Variants in GOLGA4 observed in about 807,000 individuals in gnomAD.
GOLGA4 encodes the protein golgin subfamily A member 4.
GOLGA4 carries 169 observed loss-of-function variants against 265.9 expected under a neutral mutation model. The observed-to-expected ratio is 0.64, with a 90% CI of 0.56 to 0.72. GOLGA4 has a LOEUF of 0.72. Ranked by LOEUF, GOLGA4 falls within the 30% of genes least tolerant of loss-of-function variation. The probability of loss-of-function intolerance (pLI) is 0.00; values close to 1 mark genes in which losing one functional copy is unlikely to be tolerated. For missense variants in GOLGA4, 2,482 were observed against 2,483.4 expected, an observed-to-expected ratio of 1.00 and a Z score of 0.01; for synonymous variants, 923 against 855.8, an observed-to-expected ratio of 1.08 and a Z score of -1.37.
intron 17 of GOLGA4, 96 bp from the exon 18 acceptor site, chr3:37,337,047 G>T: frequency 1.2e-6 from 1 of 800,276 alleles, no homozygotes; most frequent in South Asian, 1.6e-5. Flanking sequence ...TCTTAACCCT[G>T]ACTTCCTTTT....
At chr3:37,302,163 T>C in intron 9 of GOLGA4, 22 bp from the exon 10 acceptor site, 1 of 1,606,668 alleles carries the variant, frequency 6.2e-7, no homozygotes, top group Non-Finnish European at 8.5e-7. Context: ...GCAAATGTTT[T>C]AGAGTCTTCA....
chr3:37,300,126 G>T (rs1175605411), intron 9 of GOLGA4, among the ~76,000 whole-genome samples: 2 of 152,148 alleles, frequency 1.3e-5, no homozygotes, highest in Non-Finnish European at 2.9e-5. Flanking sequence ...ATGAATTTTA[G>T]AATGTGTAGA....
chr3:37,340,650 C>T (rs992313276), intron 20 of GOLGA4, among the ~76,000 whole-genome samples: 8 of 152,238 alleles, frequency 5.3e-5, no homozygotes, highest in African/African-American at 1.9e-4. Context: ...CCAGTTTACC[C>T]GGCTTGAGTT....
intron 10 of GOLGA4, 87 bp downstream of exon 10, chr3:37,302,419 AT>A: frequency 1.7e-6 from 2 of 1,144,930 alleles, no homozygotes; most frequent in Non-Finnish European, 2.5e-6. Flanking sequence ...TGAGTTAAAT[AT>A]TGATAAAAAT....
At chr3:37,276,613 C>T (rs2096819894) in intron 2 of GOLGA4, 5 of 1,557,692 alleles carry the variant, frequency 3.2e-6, no homozygotes, top group Non-Finnish European at 4.4e-6. Flanking sequence ...GAAGAATTGG[C>T]AAAATATCTG....
chr3:37,365,959 C>G lies in GOLGA4; in HGVS notation c.*34-121C>G, dbSNP rs117824054. 739 of 820,524 alleles carry G rather than the reference C, an allele frequency of 9.0e-4. 10 individuals are homozygous for G. The East Asian group carries it at 0.018, about 20-fold the overall frequency. The allele number at this position is 820,524 out of a possible 1,614,324, so 50.8% of individuals were successfully genotyped here. On this transcript the variant is annotated intron_variant, in intron 23 of 23. Transcript: ENST00000361924. ...TATTTCTGCCTCTTTACTGCAGTCT[C>G]TAGACCATGGAATAGAATTTTATTT...
At chr3:37,331,052 C>A (rs964034149) in intron 16 of GOLGA4, among the ~76,000 whole-genome samples, 10 of 145,302 alleles carry the variant, frequency 6.9e-5, no homozygotes, top group Non-Finnish European at 1.1e-4. Flanking sequence ...AAAAAAAATG[C>A]AAGCCACAAA....
chr3:37,331,790 G>A (rs1223032610), intron 16 of GOLGA4, among the ~76,000 whole-genome samples: 1 of 152,022 alleles, frequency 6.6e-6, no homozygotes, highest in African/African-American at 2.4e-5. Flanking sequence ...GGAAACTTTT[G>A]ACATCTTTAA....
intron 2 of GOLGA4, among the ~76,000 whole-genome samples, chr3:37,254,549 G>A (rs552503338): frequency 5.4e-5 from 8 of 149,080 alleles, no homozygotes; most frequent in South Asian, 2.1e-4. Flanking sequence ...TTTTAAAGTC[G>A]CCAGGCTGGA....
At chr3:37,278,802 C>G (rs1411513832) in intron 2 of GOLGA4, among the ~76,000 whole-genome samples, 2 of 150,518 alleles carry the variant, frequency 1.3e-5, no homozygotes, top group Non-Finnish European at 3.0e-5. Context: ...TGCCTTCACT[C>G]AGTTTGTTTA....
chr3:37,314,477 C>T (rs1291740586), intron 10 of GOLGA4, among the ~76,000 whole-genome samples: 5 of 151,882 alleles, frequency 3.3e-5, no homozygotes, highest in Non-Finnish European at 5.9e-5. Flanking sequence ...CCAATCTCTA[C>T]TAAAAATACA....
At chr3:37,357,459 A>C (rs1404920265) in intron 22 of GOLGA4, among the ~76,000 whole-genome samples, 1 of 152,198 alleles carries the variant, frequency 6.6e-6, no homozygotes, top group Non-Finnish European at 1.5e-5. Flanking sequence ...AGATATGCTT[A>C]AGTAATATGA....
chr3:37,318,302 C>T (rs935917197), intron 11 of GOLGA4, among the ~76,000 whole-genome samples: 5 of 152,170 alleles, frequency 3.3e-5, no homozygotes, highest in Non-Finnish European at 5.9e-5. Flanking sequence ...CTGCCTTGGC[C>T]TCCCAAAGTG....
At chr3:37,318,175 T>C (rs1222018014) in intron 11 of GOLGA4, among the ~76,000 whole-genome samples, 1 of 152,116 alleles carries the variant, frequency 6.6e-6, no homozygotes, top group Non-Finnish European at 1.5e-5. Context: ...CTCCAAATCA[T>C]TTATTTAGTA....
chr3:37,281,330 C>G (rs148022154), intron 2 of GOLGA4, among the ~76,000 whole-genome samples: 18 of 152,248 alleles, frequency 1.2e-4, no homozygotes, highest in Non-Finnish European at 2.4e-4. Context: ...TCCTAGTAGA[C>G]AAATGGTAAG....
At chr3:37,309,973 T>C (rs944530041) in intron 10 of GOLGA4, among the ~76,000 whole-genome samples, 5 of 152,244 alleles carry the variant, frequency 3.3e-5, no homozygotes, top group Non-Finnish European at 5.9e-5. Context: ...TAAAATTCTT[T>C]TTGTTGCTTT....
At chr3:37,296,261 G>A (rs1330971523) in intron 7 of GOLGA4, 42 bp downstream of exon 7, 5 of 1,602,560 alleles carry the variant, frequency 3.1e-6, no homozygotes, top group East Asian at 4.5e-5. Context: ...AAAACTAGAG[G>A]AGAGCCAGGC....
At chr3:37,322,783 GATA>G (rs2096958656) in intron 13 of GOLGA4, among the ~76,000 whole-genome samples, 1 of 151,414 alleles carries the variant, frequency 6.6e-6, no homozygotes, top group Admixed American at 6.6e-5. Flanking sequence ...ATTTTCATGA[GATA>G]ATAATAATCT....
At chr3:37,355,891 C>T (rs2097089650) in intron 22 of GOLGA4, among the ~76,000 whole-genome samples, 9 of 151,958 alleles carry the variant, frequency 5.9e-5, no homozygotes. Flanking sequence ...GCCTGTAGAG[C>T]CCTCCGTGAA....
Sources: gnomAD v4.1 joint callset for allele counts (sites outside exome capture counted in the v4.1 genomes callset) on GRCh38, gnomAD v4.1.1 for gene constraint, MANE v1.5 for transcripts, NCBI Gene and HGNC (gene_info 2026-07-23, HGNC 2026-07-21) for gene names.